Variants in METTL21C observed in about 807,000 individuals in gnomAD.
METTL21C encodes protein-lysine methyltransferase METTL21C.
METTL21C carries 21 observed loss-of-function variants against 25.9 expected under a neutral mutation model. The ratio of observed to expected loss-of-function variants is 0.81; its 90% CI spans 0.58 to 1.17. The LOEUF is 1.17. METTL21C is among the 50% of genes most tolerant of loss of function. The pLI is 0.00. For synonymous variants in METTL21C, 125 were observed against 124.7 expected, an observed-to-expected ratio of 1.00 and a Z score of -0.01; for missense variants, 312 against 315.1, an observed-to-expected ratio of 0.99 and a Z score of 0.07.
upstream of METTL21C, among the ~76,000 whole-genome samples, chr13:102,699,503 G>T (rs2138897222): frequency 6.6e-6 from 1 of 152,232 alleles, no homozygotes; most frequent in East Asian, 1.9e-4. Flanking sequence ...TTTCCTAAAA[G>T]GTCCACAAAG....
intron 2 of METTL21C, among the ~76,000 whole-genome samples, chr13:102,689,254 T>C (rs1210932184): frequency 6.6e-6 from 1 of 152,150 alleles, no homozygotes; most frequent in African/African-American, 2.4e-5. Flanking sequence ...TACCACTTTC[T>C]CGCTACACCA....
At chr13:102,704,090 C>T in the METTL21C span, among the ~76,000 whole-genome samples, 1 of 152,216 alleles carries the variant, frequency 6.6e-6, no homozygotes, top group Non-Finnish European at 1.5e-5. Context: ...CATAAACCAG[C>T]TTTGTATAGA....
At chr13:102,700,804 T>G in the METTL21C span, among the ~76,000 whole-genome samples, 1 of 152,064 alleles carries the variant, frequency 6.6e-6, no homozygotes, top group Admixed American at 6.5e-5. Flanking sequence ...GGTTCCTGTT[T>G]TACTGTGAGG....
At chr13:102,697,484 C>T (rs1323023450), upstream of METTL21C, among the ~76,000 whole-genome samples, 1 of 152,152 alleles carries the variant, frequency 6.6e-6, no homozygotes, top group African/African-American at 2.4e-5. Flanking sequence ...CACCCTGGGC[C>T]AGGCAAAGGA....
chr13:102,703,544 A>G, the METTL21C span, among the ~76,000 whole-genome samples: 1 of 152,174 alleles, frequency 6.6e-6, no homozygotes. Context: ...AAATCTTGCA[A>G]AATCGCAAAG....
At chr13:102,693,044 G>A (rs1366627598) in intron 1 of METTL21C, among the ~76,000 whole-genome samples, 1 of 152,104 alleles carries the variant, frequency 6.6e-6, no homozygotes, top group Non-Finnish European at 1.5e-5. Flanking sequence ...AGCGTTTGAC[G>A]ATTGCTCTGG....
rs755602123 is a variant in METTL21C, at chr13:102,685,994, A to G, written c.*37T>C. On this transcript the variant is annotated 3_prime_UTR_variant, in exon 4 of 4. Coordinates refer to ENST00000267273, the MANE Select transcript of METTL21C (RefSeq NM_001010977.3). The stretch of plus-strand genomic sequence containing the variant: ...AAGCAATTTCTAACACATTGCTCAA[A>G]AGACACAGTAACGTTGTGAAAGGCA... The G allele has an allele frequency of 3.3e-6, 5 of 1,529,972 alleles. No homozygotes were observed. The highest frequency in any genetic ancestry group is 4.4e-6 in the Non-Finnish European group (5 of 1,138,290). The allele number at this position is 1,529,972 out of a possible 1,614,324, so 94.8% of individuals were successfully genotyped here. A position where few individuals can be genotyped will look rare whatever the true frequency, so the allele number is the denominator to read the frequency against.
At chr13:102,689,911 C>T (rs1329624467) in intron 2 of METTL21C, among the ~76,000 whole-genome samples, 3 of 152,218 alleles carry the variant, frequency 2.0e-5, no homozygotes, top group South Asian at 2.1e-4. Flanking sequence ...GTAGACATTA[C>T]GACCACCCTA....
chr13:102,688,728 G>A (rs773212282), intron 2 of METTL21C, among the ~76,000 whole-genome samples: 12 of 152,288 alleles, frequency 7.9e-5, no homozygotes, highest in Non-Finnish European at 1.5e-4. Context: ...CCATTCAGAG[G>A]GCAGCTCTGA....
chr13:102,698,614 T>C (rs1885984568), upstream of METTL21C, among the ~76,000 whole-genome samples: 1 of 151,966 alleles, frequency 6.6e-6, no homozygotes, highest in Non-Finnish European at 1.5e-5. Flanking sequence ...TCCTGATAAT[T>C]TCATCCTCCT....
intron 1 of METTL21C, among the ~76,000 whole-genome samples, chr13:102,691,365 T>C (rs1383591824): frequency 6.6e-6 from 1 of 152,090 alleles, no homozygotes; most frequent in Admixed American, 6.5e-5. Context: ...TTTTTTTCTT[T>C]TTGAGACAGA....
At chr13:102,689,890 T>C (rs1411019211) in intron 2 of METTL21C, among the ~76,000 whole-genome samples, 1 of 152,234 alleles carries the variant, frequency 6.6e-6, no homozygotes, top group Non-Finnish European at 1.5e-5. Context: ...GACAACCACG[T>C]CAGGAGCACT....
chr13:102,697,634 G>A (rs1397374785), upstream of METTL21C, among the ~76,000 whole-genome samples: 1 of 152,006 alleles, frequency 6.6e-6, no homozygotes, highest in Non-Finnish European at 1.5e-5. Context: ...ATTGATAGAG[G>A]GATTAACACA....
At chr13:102,702,127 G>C in the METTL21C span, among the ~76,000 whole-genome samples, 1 of 151,196 alleles carries the variant, frequency 6.6e-6, no homozygotes, top group Non-Finnish European at 1.5e-5. Context: ...TCGTGCCCTT[G>C]CATTCCAGTC....
At chr13:102,701,407 C>T in the METTL21C span, among the ~76,000 whole-genome samples, 1 of 152,132 alleles carries the variant, frequency 6.6e-6, no homozygotes, top group Non-Finnish European at 1.5e-5. Context: ...CTGCTTCTAC[C>T]CCATTCTCTA....
chr13:102,695,921 T>C (rs1388596030), upstream of METTL21C, among the ~76,000 whole-genome samples: 1 of 152,226 alleles, frequency 6.6e-6, no homozygotes, highest in Non-Finnish European at 1.5e-5. Flanking sequence ...TGAATATATG[T>C]GTGTATATTT....
At chr13:102,699,802 A>AC (rs138345381), upstream of METTL21C, among the ~76,000 whole-genome samples, 27,554 of 151,372 alleles carry the variant, frequency 0.18, 2,827 homozygotes, top group African/African-American at 0.25. Flanking sequence ...CTGCTGCAAT[A>AC]CCCCCCCGAC....
At chr13:102,687,959 A>G (rs189335489) in intron 2 of METTL21C, among the ~76,000 whole-genome samples, 139 of 152,326 alleles carry the variant, frequency 9.1e-4, no homozygotes, top group African/African-American at 3.2e-3. Flanking sequence ...GTGTATGGCA[A>G]TGAGGCATCA....
chr13:102,688,991 A>G (rs1041552676), intron 2 of METTL21C, among the ~76,000 whole-genome samples: 1 of 152,242 alleles, frequency 6.6e-6, no homozygotes, highest in Non-Finnish European at 1.5e-5. Context: ...GCTTTCAGGA[A>G]GCAGGTTTCA....
Sources: gnomAD v4.1 joint callset for allele counts (sites outside exome capture counted in the v4.1 genomes callset) on GRCh38, gnomAD v4.1.1 for gene constraint, MANE v1.5 for transcripts, NCBI Gene and HGNC (gene_info 2026-07-23, HGNC 2026-07-21) for gene names.